C15orf40: variants seen among roughly 807,000 people sequenced by gnomAD.
C15orf40 encodes the protein UPF0235 protein C15orf40.
Under a neutral mutation model 13.9 loss-of-function variants are expected in C15orf40, and 9 were observed. The ratio of observed to expected loss-of-function variants is 0.65; its 90% confidence interval spans 0.39 to 1.13. C15orf40 has a LOEUF of 1.13. Among genes scored for constraint, C15orf40 ranks in the 50% most tolerant of loss-of-function variants. C15orf40 has a pLI of 0.01. For synonymous variants in C15orf40, 95 were observed against 69.2 expected (o/e 1.37, Z -1.85); for missense variants, 225 against 188.5 (o/e 1.19, Z -1.13).
Position 83,011,506 on chromosome 15 carries a change from C to T in C15orf40, c.102G>A (p.Ala34=). ...LCAEMPKKAG[A]TTKGKSQSKE... is the part of the protein sequence containing the mutation. Reference sequence around the variant, plus strand: ...GGGACCTGCTACTGGCCTTGGTCGTCGCACCAGCCTTCTTAGGCATCTCGG... The same window carrying T: ...GGGACCTGCTACTGGCCTTGGTCGTTGCACCAGCCTTCTTAGGCATCTCGG... The change falls in exon 1 of 4, where the codon GCG becomes GCA. Residue 34 remains alanine, a synonymous_variant. Coordinates refer to ENST00000304177, the MANE Select transcript of C15orf40 (RefSeq NM_144597.3). The T allele has an allele frequency of 6.2e-7, 1 of 1,605,516 alleles. No individual in the cohort carries two copies. Among genetic ancestry groups the T allele is most frequent in the South Asian group, 1.1e-5 (1 of 90,856 alleles).
Position 83,008,690 on chromosome 15 carries a change from G to T in C15orf40, c.239-15C>A. 3.8e-6 allele frequency: 6 copies of T among 1,591,348 alleles called. No homozygotes were observed. Among genetic ancestry groups the T allele is most frequent in the Non-Finnish European group, 5.1e-6 (6 of 1,171,376 alleles). ...TGCTGTCAAATCTGGAATGAAAATA[G>T]TGTGGACTTTATCCTTAAGGAGTTC... On this transcript the variant is annotated splice_polypyrimidine_tract_variant and intron_variant, in intron 2 of 3. Coordinates refer to ENST00000304177, the MANE Select transcript of C15orf40 (RefSeq NM_144597.3).
In C15orf40 at chr15:82,996,507, G is replaced by C. The variant is rs2031083629; in HGVS notation, c.*9090C>G. The C allele has an allele frequency of 6.6e-6, 1 of 151,978 alleles. No individual in the cohort carries two copies. Among genetic ancestry groups the C allele is most frequent in the Non-Finnish European group, 1.5e-5 (1 of 68,042 alleles). 9.4% of individuals were successfully genotyped at this position (151,978 alleles called of 1,614,324 possible). On this transcript the variant is annotated 3_prime_UTR_variant, in exon 4 of 4. Transcript: ENST00000304177. ...TACAAAAAGAAATTAGCCGGGCGTG[G>C]TGGCGGGCACCTGCAGTCCCAGCTA... is the stretch of plus-strand genomic sequence containing the variant.
chr15:83,010,318 C>T lies in C15orf40; in HGVS notation c.157G>A (p.Gly53Ser). The T allele has an allele frequency of 6.2e-7, 1 of 1,614,226 alleles. No homozygotes were observed. Among genetic ancestry groups the T allele is most frequent in the Non-Finnish European group, 8.5e-7 (1 of 1,180,044 alleles). The change falls in exon 2 of 4, where the codon GGT becomes AGT. Residue 53 changes from glycine to serine, a missense_variant. By Grantham distance (56) the Gly-to-Ser change is moderately conservative (BLOSUM62 0). Transcript: ENST00000304177. ...KEPERPLPPLGPVAVDPKGCV... is the reference protein window; with the variant it reads ...KEPERPLPPLSPVAVDPKGCV... ...CCTTTAGGATCAACTGCCACAGGACCTAAGGGAGGAAGTGGTCTCTCTGGT... is the reference window on the plus strand; with the variant it reads ...CCTTTAGGATCAACTGCCACAGGACTTAAGGGAGGAAGTGGTCTCTCTGGT...
downstream of C15orf40, chr15:82,989,859 C>A (rs1288898409): frequency 2.5e-6 from 4 of 1,606,496 alleles, no homozygotes; most frequent in African/African-American, 4.0e-5. Context: ...GTTTAAAGAT[C>A]TTTTTTGTTT....
Position 83,000,542 on chromosome 15 carries a change from AG to A in C15orf40, c.*5054del, listed in dbSNP as rs1339851375. On this transcript the variant is annotated 3_prime_UTR_variant, in exon 4 of 4. Coordinates refer to ENST00000304177, the MANE Select transcript of C15orf40 (RefSeq NM_144597.3). ...AGTCAGGCACTGCAGACTACCTAAT[AG>A]TGCTGTTCACTACAAAAGGAAACGA... 6.6e-6 allele frequency: 1 copy of A among 152,232 alleles called. No individual in the cohort carries two copies. The highest frequency in any genetic ancestry group is 2.4e-5 in the African/African-American group (1 of 41,452). The allele number at this position is 152,232 out of a possible 1,614,324, so 9.4% of individuals were successfully genotyped here.
rs1394589043 is a variant in C15orf40, at chr15:82,997,294, A to G, written c.*8303T>C. On this transcript the variant is annotated 3_prime_UTR_variant, in exon 4 of 4. Coordinates refer to ENST00000304177, the MANE Select transcript of C15orf40 (RefSeq NM_144597.3). The stretch of plus-strand genomic sequence containing the variant: ...AGAGGGGGATTTGGCAGGGAAGGTC[A>G]GCAGATAAACAAGTGAACAAAGGTC... 1 of 147,088 alleles carries G rather than the reference A, an allele frequency of 6.8e-6. No homozygotes were observed. The highest frequency in any genetic ancestry group is 1.5e-5 in the Non-Finnish European group (1 of 67,058). The allele number at this position is 147,088 out of a possible 1,614,324, so 9.1% of individuals were successfully genotyped here.
In C15orf40 at chr15:83,000,628, G is replaced by C. The variant is rs2031377841; in HGVS notation, c.*4969C>G. On this transcript the variant is annotated 3_prime_UTR_variant, in exon 4 of 4. Transcript: ENST00000304177. ...TGGTGCCACCTCTTGGATGTAAATT[G>C]AAATTCTAAGTTTTTAGTCACTAGT... 2 of 152,144 alleles carry C rather than the reference G, an allele frequency of 1.3e-5. No homozygotes were observed. Among genetic ancestry groups the C allele is most frequent in the South Asian group, 4.1e-4 (2 of 4,824 alleles). 9.4% of individuals were successfully genotyped at this position (152,144 alleles called of 1,614,324 possible). A position where few individuals can be genotyped will look rare whatever the true frequency, so the allele number is the denominator to read the frequency against.
At position 83,002,628 on chromosome 15, in the gene C15orf40, G is replaced by A. The variant is rs1302946337; in HGVS notation, c.*2969C>T. The A allele has an allele frequency of 6.6e-6, 1 of 152,212 alleles. No individual in the cohort carries two copies. Among genetic ancestry groups the A allele is most frequent in the African/African-American group, 2.4e-5 (1 of 41,450 alleles). The allele number at this position is 152,212 out of a possible 1,614,324, so 9.4% of individuals were successfully genotyped here. On this transcript the variant is annotated 3_prime_UTR_variant, in exon 4 of 4. Transcript: ENST00000304177. ...CTTGATTTGGGCTGATACAAGGGAA[G>A]GCTGACTGAAAGCTTCTGGAAAATA...
downstream of C15orf40, among the ~76,000 whole-genome samples, chr15:82,992,294 T>A (rs946002973): frequency 6.6e-6 from 1 of 152,106 alleles, no homozygotes; most frequent in African/African-American, 2.4e-5. Context: ...GATGGGCAGA[T>A]CACCCCAGGT....
At chr15:83,008,285 A>G (rs2151290548) in intron 3 of C15orf40, 2 of 371,200 alleles carry the variant, frequency 5.4e-6, no homozygotes, top group South Asian at 4.7e-5. Flanking sequence ...TCGGGAGGAG[A>G]AGGCAGGTGG....
chr15:83,010,610 T>C, intron 1 of C15orf40: 2 of 435,672 alleles, frequency 4.6e-6, no homozygotes, highest in East Asian at 4.1e-5. Flanking sequence ...CTCTGGCTTC[T>C]AAACCTTAAT....
Position 83,004,373 on chromosome 15 carries a change from G to T in C15orf40, c.*1224C>A, listed in dbSNP as rs978973846. 1.1e-5 allele frequency: 11 copies of T among 985,012 alleles called. No homozygotes were observed. The South Asian group carries it at 3.3e-4, about 29-fold the overall frequency. The allele number at this position is 985,012 out of a possible 1,614,324, so 61.0% of individuals were successfully genotyped here. On this transcript the variant is annotated 3_prime_UTR_variant, in exon 4 of 4. Coordinates refer to ENST00000304177, the MANE Select transcript of C15orf40 (RefSeq NM_144597.3). ...TTCTCATGTACTTGCTGGACAAAGC[G>T]CACAACTGCAGATCAGCTCTCCTGA...
downstream of C15orf40, chr15:82,989,984 C>G (rs1244486876): frequency 9.3e-6 from 15 of 1,604,582 alleles, no homozygotes; most frequent in Non-Finnish European, 1.3e-5. Context: ...TAACAACTAC[C>G]CGCAACACAG....
downstream of C15orf40, chr15:82,989,771 G>A: frequency 7.5e-7 from 1 of 1,330,690 alleles, no homozygotes. Context: ...ATGTTTTTTA[G>A]TCTTATTTAT....
At position 82,997,225 on chromosome 15, in the gene C15orf40, T is replaced by TA. The variant is rs1455021358; in HGVS notation, c.*8371_*8372insT. 6.6e-6 allele frequency: 1 copy of TA among 150,430 alleles called. No homozygotes were observed. Among genetic ancestry groups the TA allele is most frequent in the East Asian group, 1.9e-4 (1 of 5,162 alleles). The allele number at this position is 150,430 out of a possible 1,614,324, so 9.3% of individuals were successfully genotyped here. ...ATTTTTATTTATTTATTTTTATTTTTTTTTAATTTATTTTTTTATTGATAA... is the reference window on the plus strand; with the variant it reads ...ATTTTTATTTATTTATTTTTATTTTTATTTTAATTTATTTTTTTATTGATAA... On this transcript the variant is annotated 3_prime_UTR_variant, in exon 4 of 4. Coordinates refer to ENST00000304177, the MANE Select transcript of C15orf40 (RefSeq NM_144597.3).
In C15orf40 at chr15:83,008,373, G is replaced by C. The variant is rs1481851745; in HGVS notation, c.366+175C>G. The C allele has an allele frequency of 5.3e-6, 3 of 566,010 alleles. No homozygotes were observed. In the Admixed American group the frequency reaches 9.2e-5, roughly 17 times the overall value. 35.1% of individuals were successfully genotyped at this position (566,010 alleles called of 1,614,324 possible). A position where few individuals can be genotyped will look rare whatever the true frequency, so the allele number is the denominator to read the frequency against. On this transcript the variant is annotated intron_variant, in intron 3 of 3. Transcript: ENST00000304177. ...GTCTCTATTAAAAATACAAAAATTA[G>C]CCAGGCATGGTGGCATGCGCCTATA...
intron 3 of C15orf40, chr15:83,006,277 A>T: frequency 1.5e-6 from 1 of 684,680 alleles, no homozygotes; most frequent in Non-Finnish European, 1.8e-6. Flanking sequence ...TCAAGCAATT[A>T]AGTTAAAAAT....
downstream of C15orf40, chr15:82,990,701 G>A (rs769655886): frequency 1.9e-5 from 27 of 1,458,040 alleles, no homozygotes; most frequent in Admixed American, 3.9e-5. Context: ...TCTTGATCTG[G>A]TGGTGGTTGG....
chr15:83,009,128 C>A (rs956553742), intron 2 of C15orf40, among the ~76,000 whole-genome samples: 12 of 152,070 alleles, frequency 7.9e-5, no homozygotes, highest in African/African-American at 2.9e-4. Flanking sequence ...ACTAGGTTCA[C>A]CTCTTATGTG....
Sources: allele counts gnomAD v4.1 joint callset (sites outside exome capture counted in the v4.1 genomes callset), GRCh38; gene constraint gnomAD v4.1.1; transcripts MANE v1.5; gene names NCBI Gene and HGNC (gene_info 2026-07-23, HGNC 2026-07-21).